Variants in CHODL observed in about 807,000 individuals in gnomAD.
The protein encoded by CHODL is transmembrane protein MT75.
Under a neutral mutation model 34.5 loss-of-function variants are expected in CHODL, and 29 were observed. The ratio of observed to expected loss-of-function variants is 0.84; its 90% CI spans 0.63 to 1.15. The LOEUF (loss-of-function observed/expected upper bound fraction) is 1.15, where lower values mean the gene tolerates loss of function less well. CHODL is among the 50% of genes most tolerant of loss of function. The probability of loss-of-function intolerance (pLI) is 0.00; values close to 1 mark genes in which losing one functional copy is unlikely to be tolerated. For synonymous variants in CHODL, 125 were observed against 116.1 expected (o/e 1.08, Z -0.49); for missense variants, 332 against 332.5 (o/e 1.00, Z 0.01).
chr21:18,056,644 T>A (rs1259769677), intron 2 of CHODL, among the ~76,000 whole-genome samples: 1 of 151,956 alleles, frequency 6.6e-6, no homozygotes, highest in Non-Finnish European at 1.5e-5. Flanking sequence ...TGTACTCTTT[T>A]TTAAATTCCT....
chr21:18,213,701 G>A (rs1425295855), intron 2 of CHODL, among the ~76,000 whole-genome samples: 2 of 151,908 alleles, frequency 1.3e-5, no homozygotes, highest in Non-Finnish European at 2.9e-5. Context: ...ATTATGGCTG[G>A]GTATCTTCAA....
At chr21:17,994,762 G>A (rs1163862994) in intron 1 of CHODL, among the ~76,000 whole-genome samples, 5 of 152,104 alleles carry the variant, frequency 3.3e-5, no homozygotes. Context: ...CAGAAGGCAG[G>A]GTTCAACCCC....
chr21:18,030,274 C>A (rs1568852071), intron 2 of CHODL, among the ~76,000 whole-genome samples: 1 of 152,154 alleles, frequency 6.6e-6, no homozygotes, highest in Non-Finnish European at 1.5e-5. Flanking sequence ...TACAAAGAGA[C>A]CTGCATGGCA....
At chr21:18,261,609 G>A (rs1005755497) in intron 4 of CHODL, among the ~76,000 whole-genome samples, 3 of 152,104 alleles carry the variant, frequency 2.0e-5, no homozygotes, top group Non-Finnish European at 2.9e-5. Flanking sequence ...AGAGGTTACA[G>A]TGAGCCAAGA....
intron 2 of CHODL, among the ~76,000 whole-genome samples, chr21:18,056,792 A>C (rs1292337603): frequency 6.6e-6 from 1 of 151,634 alleles, no homozygotes; most frequent in Non-Finnish European, 1.5e-5. Context: ...ATCTTCTCTA[A>C]TTTTTCTGAG....
chr21:17,923,746 C>A (rs2063201984), intron 1 of CHODL, among the ~76,000 whole-genome samples: 1 of 152,150 alleles, frequency 6.6e-6, no homozygotes, highest in South Asian at 2.1e-4. Flanking sequence ...CAGGCCTGAG[C>A]CACTGTGCCT....
upstream of CHODL, among the ~76,000 whole-genome samples, chr21:18,244,476 T>C (rs2074111877): frequency 6.6e-6 from 1 of 152,198 alleles, no homozygotes; most frequent in African/African-American, 2.4e-5. Context: ...GCAATACATA[T>C]GATTAAGCAA....
intron 1 of CHODL, among the ~76,000 whole-genome samples, chr21:17,977,689 C>G (rs1173587504): frequency 6.8e-5 from 10 of 147,690 alleles, no homozygotes; most frequent in Admixed American, 6.8e-4. Flanking sequence ...ATGGCTGAGG[C>G]AGGCGAATCC....
At chr21:18,062,329 T>C (rs1180727920) in intron 2 of CHODL, among the ~76,000 whole-genome samples, 2 of 152,080 alleles carry the variant, frequency 1.3e-5, no homozygotes, top group Non-Finnish European at 2.9e-5. Context: ...ATGCCTCAGC[T>C]TCCTGAGTAC....
intron 2 of CHODL, among the ~76,000 whole-genome samples, chr21:18,077,378 C>T (rs1281842298): frequency 6.6e-6 from 1 of 152,076 alleles, no homozygotes; most frequent in African/African-American, 2.4e-5. Context: ...GGACTTTAGA[C>T]TTTTGAGTTA....
chr21:18,074,808 TA>T (rs2064845854), intron 2 of CHODL, among the ~76,000 whole-genome samples: 3 of 152,122 alleles, frequency 2.0e-5, no homozygotes, highest in Admixed American at 2.0e-4. Flanking sequence ...AAGTTTAGAT[TA>T]AAAATGTTGC....
At chr21:18,226,951 G>A (rs537958113) in intron 2 of CHODL, among the ~76,000 whole-genome samples, 8 of 152,124 alleles carry the variant, frequency 5.3e-5, no homozygotes, top group South Asian at 4.1e-4. Flanking sequence ...AGTCCATTCC[G>A]GCTGCGATAA....
At chr21:18,253,610 C>T (rs558171241) in intron 1 of CHODL, among the ~76,000 whole-genome samples, 2 of 152,070 alleles carry the variant, frequency 1.3e-5, no homozygotes, top group Admixed American at 1.3e-4. Flanking sequence ...ATGAAATCAT[C>T]ACAAAACTTA....
chr21:18,194,257 T>C (rs1474591044), intron 2 of CHODL, among the ~76,000 whole-genome samples: 1 of 152,218 alleles, frequency 6.6e-6, no homozygotes, highest in Non-Finnish European at 1.5e-5. Flanking sequence ...GATTCTTCAA[T>C]GGTTTCCAAT....
At chr21:18,040,988 C>T (rs1024027106) in intron 2 of CHODL, among the ~76,000 whole-genome samples, 1 of 151,840 alleles carries the variant, frequency 6.6e-6, no homozygotes, top group Admixed American at 6.6e-5. Context: ...TTACAATTTA[C>T]TCTTGTCATA....
At chr21:18,045,273 A>G (rs1303035997) in intron 2 of CHODL, among the ~76,000 whole-genome samples, 1 of 151,968 alleles carries the variant, frequency 6.6e-6, no homozygotes, top group Non-Finnish European at 1.5e-5. Flanking sequence ...AGATATAAAC[A>G]TGCCCCAGAC....
At position 18,189,615 on chromosome 21, in the gene CHODL, A is replaced by C. The variant is rs369275300; in HGVS notation, c.-44-66894A>C. ...CTACCCTATGCACTTCAGATCAACT[A>C]ATAGAAGTGGGCAATTTTTTTTTTT... On this transcript the variant is annotated intron_variant, in intron 2 of 6. Transcript: ENST00000400127. Among the ~76,000 whole-genome samples the C allele has an allele frequency of 3.4e-5, 5 of 148,572 alleles. 1 individual carries two copies. The highest frequency in any genetic ancestry group is 1.4e-4 in the Admixed American group (2 of 14,548).
intron 2 of CHODL, among the ~76,000 whole-genome samples, chr21:18,073,453 G>A (rs553132745): frequency 1.1e-4 from 17 of 152,208 alleles, no homozygotes; most frequent in African/African-American, 1.4e-4. Flanking sequence ...CATCAGTAAT[G>A]TATGGCATGG....
intron 2 of CHODL, among the ~76,000 whole-genome samples, chr21:18,042,115 T>C (rs1475385149): frequency 6.6e-6 from 1 of 151,736 alleles, no homozygotes; most frequent in Non-Finnish European, 1.5e-5. Context: ...CCACTTAAAA[T>C]TTGAAAAAAA....
Sources: gnomAD v4.1 joint callset for allele counts (sites outside exome capture counted in the v4.1 genomes callset) on GRCh38, gnomAD v4.1.1 for gene constraint, MANE v1.5 for transcripts, NCBI Gene and HGNC (gene_info 2026-07-23, HGNC 2026-07-21) for gene names.